NEURL4: variants seen among roughly 807,000 people sequenced by gnomAD.
NEURL4 encodes neuralized-like protein 4.
NEURL4 carries 45 observed loss-of-function variants against 148.0 expected under a neutral mutation model. That is an observed-to-expected ratio of 0.30 (90% confidence interval 0.24 to 0.39). NEURL4 has a LOEUF of 0.39. NEURL4 is among the 10% of genes least tolerant of loss of function. The pLI is 1.00. For synonymous variants in NEURL4, 854 were observed against 869.0 expected (o/e 0.98, Z 0.30); for missense variants, 1,776 against 2,144.0 (o/e 0.83, Z 3.39).
chr17:7,316,081 G>T lies in NEURL4; in HGVS notation c.*42C>A. ...GGCAGTCGCCACTCAGAGTCCATGG[G>T]CCCGCGGCCCGACTGTGCTTGTAGT... On this transcript the variant is annotated 3_prime_UTR_variant, in exon 29 of 29. Coordinates refer to ENST00000399464, the MANE Select transcript of NEURL4 (RefSeq NM_032442.3). 9.7e-7 allele frequency: 1 copy of T among 1,028,628 alleles called. No homozygotes were observed. The highest frequency in any genetic ancestry group is 1.5e-6 in the Non-Finnish European group (1 of 645,638). 63.7% of individuals were successfully genotyped at this position (1,028,628 alleles called of 1,614,324 possible). A position where few individuals can be genotyped will look rare whatever the true frequency, so the allele number is the denominator to read the frequency against.
In NEURL4 at chr17:7,318,429, A is replaced by G. The variant is rs2072980687; in HGVS notation, c.3864+66T>C. The G allele has an allele frequency of 5.0e-6, 8 of 1,610,470 alleles. No individual in the cohort carries two copies. In the South Asian group the frequency reaches 6.6e-5, roughly 13 times the overall value. On this transcript the variant is annotated intron_variant, in intron 23 of 28. Transcript: ENST00000399464. This position sits in a 1 kb window ranked among gnomAD's most constrained non-coding sequence, Gnocchi z 4.3. Reference sequence around the variant, plus strand: ...CTGCTGATCCCTCCCTGGAACAGAGATTTCCCCTGTCCTGGACAGCGCAGA... The same window carrying G: ...CTGCTGATCCCTCCCTGGAACAGAGGTTTCCCCTGTCCTGGACAGCGCAGA...
rs1392149547 is a variant in NEURL4, at chr17:7,318,033, T to C, written c.4060+32A>G. On this transcript the variant is annotated intron_variant, in intron 25 of 28. Coordinates refer to ENST00000399464, the MANE Select transcript of NEURL4 (RefSeq NM_032442.3). This position sits in a 1 kb window ranked among gnomAD's most constrained non-coding sequence, Gnocchi z 4.3. ...AAGGCTCTAGGCCTGGCCCTGGGAA[T>C]GAAGTCAGTTCTGGCGGACTGTGGG... The C allele has an allele frequency of 6.2e-7, 1 of 1,613,790 alleles. No homozygotes were observed. Among genetic ancestry groups the C allele is most frequent in the Non-Finnish European group, 8.5e-7 (1 of 1,179,776 alleles).
At position 7,318,731 on chromosome 17, in the gene NEURL4, C is replaced by T. The variant is rs774939281; in HGVS notation, c.3685-57G>A. 1.0e-5 allele frequency: 16 copies of T among 1,528,824 alleles called. No homozygotes were observed. Among genetic ancestry groups the T allele is most frequent in the South Asian group, 2.5e-5 (2 of 79,490 alleles). 94.7% of individuals were successfully genotyped at this position (1,528,824 alleles called of 1,614,324 possible). A position where few individuals can be genotyped will look rare whatever the true frequency, so the allele number is the denominator to read the frequency against. ...TCAGACTCCACCGCGGCAGCTGTCC[C>T]GCCCTTTGCTCTGCTTCCTTTTGCC... On this transcript the variant is annotated intron_variant, in intron 22 of 28. Transcript: ENST00000399464. The surrounding 1 kb of genome is among the most constrained non-coding windows in gnomAD (Gnocchi z 4.3).
Position 7,318,940 on chromosome 17 carries a change from T to C in NEURL4, c.3684+110A>G. 7.8e-7 allele frequency: 1 copy of C among 1,286,834 alleles called. No homozygotes were observed. Among genetic ancestry groups the C allele is most frequent in the Non-Finnish European group, 1.1e-6 (1 of 934,768 alleles). 79.7% of individuals were successfully genotyped at this position (1,286,834 alleles called of 1,614,324 possible). A position where few individuals can be genotyped will look rare whatever the true frequency, so the allele number is the denominator to read the frequency against. On this transcript the variant is annotated intron_variant, in intron 22 of 28. Coordinates refer to ENST00000399464, the MANE Select transcript of NEURL4 (RefSeq NM_032442.3). This position sits in a 1 kb window ranked among gnomAD's most constrained non-coding sequence, Gnocchi z 4.3. ...CCTTGCCTGCCCATTACTGTTCCCC[T>C]TTTACACCTGTGGTCCTACCTCCAA...
At chr17:7,319,577 G>A (rs1362557327) in intron 21 of NEURL4, among the ~76,000 whole-genome samples, 1 of 150,796 alleles carries the variant, frequency 6.6e-6, no homozygotes, top group East Asian at 2.0e-4. Context: ...TCATATGCCT[G>A]TAGTCCCAGC....
At position 7,320,247 on chromosome 17, in the gene NEURL4, C is replaced by T. The variant is rs780287462; in HGVS notation, c.3525+512G>A. Among the ~76,000 whole-genome samples, 8 of 152,096 alleles carry T rather than the reference C, an allele frequency of 5.3e-5. No individual in the cohort carries two copies. The South Asian group carries it at 1.7e-3, about 32-fold the overall frequency. Reference sequence around the variant, plus strand: ...TCCCAGGTTCAAGTGATCCTCCCACCTCAGCCTCCCGAGTAGCTGGGATTA... The same window carrying T: ...TCCCAGGTTCAAGTGATCCTCCCACTTCAGCCTCCCGAGTAGCTGGGATTA... On this transcript the variant is annotated intron_variant, in intron 21 of 28. Coordinates refer to ENST00000399464, the MANE Select transcript of NEURL4 (RefSeq NM_032442.3).
chr17:7,325,610 G>A (rs776772539), intron 7 of NEURL4, 31 bp downstream of exon 7: 24 of 1,605,096 alleles, frequency 1.5e-5, no homozygotes, highest in Middle Eastern at 3.3e-4. Flanking sequence ...CGAAAGCCCC[G>A]GCCCAGAGGC....
Position 7,327,616 on chromosome 17 carries a change from C to A in NEURL4, c.551G>T (p.Gly184Val). ...GACGGCCCAGACACGAGGGGGCAGG[C>A]CTGTGGCAGCCACACCGCAATCCCG... ...NGRDCGVAAT[G>V]LPPRVWAVVD... is the part of the protein sequence containing the mutation. Residue 184 changes from glycine to valine, a missense_variant, in exon 2 of 29, where the codon GGC becomes GTC. Transcript: ENST00000399464. This position sits in a 1 kb window ranked among gnomAD's most constrained non-coding sequence, Gnocchi z 6.6. The A allele has an allele frequency of 6.2e-7, 1 of 1,612,744 alleles. No individual in the cohort carries two copies. The highest frequency in any genetic ancestry group is 8.5e-7 in the Non-Finnish European group (1 of 1,179,890).
intron 14 of NEURL4, 25 bp downstream of exon 14, chr17:7,323,460 T>C: frequency 6.2e-7 from 1 of 1,612,920 alleles, no homozygotes. Flanking sequence ...AGCCCCAAGC[T>C]GGTCCCCAAA....
rs1255427645 is a variant in NEURL4, at chr17:7,327,401, G to A, written c.727+39C>T. 9.3e-6 allele frequency: 14 copies of A among 1,501,556 alleles called. No individual in the cohort carries two copies. Among genetic ancestry groups the A allele is most frequent in the East Asian group, 6.8e-5 (3 of 43,988 alleles). The allele number at this position is 1,501,556 out of a possible 1,614,324, so 93.0% of individuals were successfully genotyped here. On this transcript the variant is annotated intron_variant, in intron 2 of 28. Coordinates refer to ENST00000399464, the MANE Select transcript of NEURL4 (RefSeq NM_032442.3). The surrounding 1 kb of genome is among the most constrained non-coding windows in gnomAD (Gnocchi z 6.6). ...CTTGTCACTCTATTTCCCCCATTCC[G>A]TCCCCACCCCACCACCACTGCCCTA...
chr17:7,315,982 C>T lies in NEURL4; in HGVS notation c.*141G>A, dbSNP rs2072937058. The T allele has an allele frequency of 3.1e-6, 2 of 637,568 alleles. No individual in the cohort carries two copies. 39.5% of individuals were successfully genotyped at this position (637,568 alleles called of 1,614,324 possible). A position where few individuals can be genotyped will look rare whatever the true frequency, so the allele number is the denominator to read the frequency against. ...GCCACTTGCCACCTACATCTGAGAG[C>T]CTGCCTACATGCTCCTGCGCGGCTG... On this transcript the variant is annotated 3_prime_UTR_variant, in exon 29 of 29. Coordinates refer to ENST00000399464, the MANE Select transcript of NEURL4 (RefSeq NM_032442.3).
In NEURL4 at chr17:7,317,308, G is replaced by C. The variant is rs369394948; in HGVS notation, c.4381C>G (p.Pro1461Ala). The C allele has an allele frequency of 2.0e-6, 3 of 1,534,924 alleles. No individual in the cohort carries two copies. Among genetic ancestry groups the C allele is most frequent in the Non-Finnish European group, 2.6e-6 (3 of 1,140,684 alleles). The change falls in exon 28 of 29, where the codon CCT (proline) becomes GCT (alanine). Residue 1461 changes from proline to alanine, a missense_variant. Coordinates refer to ENST00000399464, the MANE Select transcript of NEURL4 (RefSeq NM_032442.3). ...CGAGGAGGTGCACAGTTCTCGCCAG[G>C]CTCCTCGAACCCTACCCCAGGTTCT... ...KGEPGVGFEE[P>A]GENCAPPREE... is the part of the protein sequence containing the mutation.
At position 7,324,679 on chromosome 17, in the gene NEURL4, C is replaced by CA; in HGVS notation, c.1813+119dup. On this transcript the variant is annotated intron_variant, in intron 9 of 28. Coordinates refer to ENST00000399464, the MANE Select transcript of NEURL4 (RefSeq NM_032442.3). This position sits in a 1 kb window ranked among gnomAD's most constrained non-coding sequence, Gnocchi z 5.9. ...CCCTGCCCACGGGACACTCTCTAGC[C>CA]ACTGAATGAGTGGTCACAAGAGTGA... 1 of 1,206,620 alleles carries CA rather than the reference C, an allele frequency of 8.3e-7. No homozygotes were observed. The highest frequency in any genetic ancestry group is 2.4e-5 in the East Asian group (1 of 42,200). 74.7% of individuals were successfully genotyped at this position (1,206,620 alleles called of 1,614,324 possible).
chr17:7,325,622 C>G lies in NEURL4; in HGVS notation c.1366+19G>C, dbSNP rs765438801. The stretch of plus-strand genomic sequence containing the variant: ...CACCGAAAGCCCCGGCCCAGAGGCT[C>G]TCTCTGGGCGGCCCTTACCCTGATC... On this transcript the variant is annotated intron_variant, in intron 7 of 28. Transcript: ENST00000399464. 1.1e-5 allele frequency: 17 copies of G among 1,610,806 alleles called. No individual in the cohort carries two copies. Among genetic ancestry groups the G allele is most frequent in the Non-Finnish European group, 1.4e-5 (17 of 1,177,290 alleles).
In NEURL4 at chr17:7,327,485, TG is replaced by T; in HGVS notation, c.681del (p.Thr228LeufsTer48). The T allele has an allele frequency of 2.5e-6, 4 of 1,578,654 alleles. No individual in the cohort carries two copies. On this transcript the variant is annotated frameshift_variant, in exon 2 of 29. Coordinates refer to ENST00000399464, the MANE Select transcript of NEURL4 (RefSeq NM_032442.3). LOFTEE classifies it high-confidence loss of function. The surrounding 1 kb of genome is among the most constrained non-coding windows in gnomAD (Gnocchi z 6.6). ...TGTTCAGCCAAGGCAGAGTCTTCAG[TG>T]GGGGCCAAGGGCTCGAGGGGAGGTG... ...IPTPPLEPLA[P>X]TEDSALAEQG... is the part of the protein sequence containing the mutation.
intron 7 of NEURL4, 49 bp from the exon 8 acceptor site, chr17:7,325,522 G>A (rs780729922): frequency 2.5e-6 from 4 of 1,600,610 alleles, no homozygotes; most frequent in South Asian, 1.1e-5. Context: ...GAGAATGAGG[G>A]GAGAAAGTCA....
Position 7,323,927 on chromosome 17 carries a change from G to A in NEURL4, c.2148C>T (p.Asp716=). 1 of 1,613,640 alleles carries A rather than the reference G, an allele frequency of 6.2e-7. No individual in the cohort carries two copies. Among genetic ancestry groups the A allele is most frequent in the South Asian group, 1.1e-5 (1 of 91,090 alleles). ...TGCCGTGCAGCTGATGGAAGCGCAG[G>A]TCAGAGCCCCCGGCCCCTGAGGACG... ...SSPSSGAGGS[D]LRFHQLHGSN... is the part of the protein sequence containing the mutation. Residue 716 remains aspartate, a synonymous_variant, in exon 12 of 29, where the codon GAC becomes GAT. Coordinates refer to ENST00000399464, the MANE Select transcript of NEURL4 (RefSeq NM_032442.3).
At position 7,321,798 on chromosome 17, in the gene NEURL4, G is replaced by C; in HGVS notation, c.2872-11C>G. ...CTCTTCCACTTTCACCTACGAGACA[G>C]AGAAAACATAAGCTGGCCCTGTCGT... is the stretch of plus-strand genomic sequence containing the variant. On this transcript the variant is annotated splice_polypyrimidine_tract_variant and intron_variant, in intron 17 of 28. Transcript: ENST00000399464. The surrounding 1 kb of genome is among the most constrained non-coding windows in gnomAD (Gnocchi z 6.3). 2 of 1,612,670 alleles carry C rather than the reference G, an allele frequency of 1.2e-6. No individual in the cohort carries two copies. Among genetic ancestry groups the C allele is most frequent in the Non-Finnish European group, 1.7e-6 (2 of 1,179,224 alleles).
Position 7,315,754 on chromosome 17 carries a change from C to G in NEURL4, c.*369G>C, listed in dbSNP as rs2072932987. ...CCGGTGGCCCCGGAAAAAGCAGCTT[C>G]ATGTGGGCACAGGGAGAGACTCCTC... On this transcript the variant is annotated 3_prime_UTR_variant, in exon 29 of 29. Coordinates refer to ENST00000399464, the MANE Select transcript of NEURL4 (RefSeq NM_032442.3). 1 of 464,954 alleles carries G rather than the reference C, an allele frequency of 2.2e-6. No homozygotes were observed. The highest frequency in any genetic ancestry group is 3.8e-5 in the Admixed American group (1 of 26,020). The allele number at this position is 464,954 out of a possible 1,614,324, so 28.8% of individuals were successfully genotyped here.
Sources: gnomAD v4.1 joint callset for allele counts (sites outside exome capture counted in the v4.1 genomes callset) on GRCh38, gnomAD v4.1.1 for gene constraint, Gnocchi (gnomAD v3.1) non-coding constraint, MANE v1.5 for transcripts, NCBI Gene and HGNC (gene_info 2026-07-23, HGNC 2026-07-21) for gene names.